The following NIN variants were observed in gnomAD, a reference collection of about 807,000 sequenced individuals.
The protein encoded by NIN is ninein, also known as glycogen synthase kinase 3 beta-interacting protein.
In NIN, 137 loss-of-function variants were observed where a neutral mutation model predicts 257.6. The observed-to-expected ratio is 0.53, with a 90% confidence interval of 0.46 to 0.61. The LOEUF (loss-of-function observed/expected upper bound fraction) is 0.61. Ranked by LOEUF, NIN falls within the 20% of genes least tolerant of loss-of-function variation. The pLI is 0.00. For synonymous variants in NIN, 918 were observed against 919.8 expected, an observed-to-expected ratio of 1.00 and a Z score of 0.04; for missense variants, 2,439 against 2,501.2, an observed-to-expected ratio of 0.98 and a Z score of 0.53.
chr14:50,736,792 A>AAAAC lies in NIN; in HGVS notation c.5776-1179_5776-1176dup, dbSNP rs1216929481. On this transcript the variant is annotated intron_variant, in intron 27 of 30. Transcript: ENST00000530997. ...CAAATGGTCATGATAACTTTCACAA[A>AAAAC]AAACAAAAATTTTATGAATATTTTA... Among the ~76,000 whole-genome samples, 3 of 152,378 alleles carry AAAAC rather than the reference A, an allele frequency of 2.0e-5. No homozygotes were observed. In the South Asian group the frequency reaches 6.2e-4, roughly 32 times the overall value.
intron 8 of NIN, among the ~76,000 whole-genome samples, 199 bp from the exon 9 acceptor site, chr14:50,772,667 G>A (rs1465783078): frequency 6.6e-6 from 1 of 152,192 alleles, no homozygotes; most frequent in South Asian, 2.1e-4. Flanking sequence ...TGTTTTGGTA[G>A]AGAGTTCTAT....
At chr14:50,735,925 A>G (rs904070889) in intron 27 of NIN, among the ~76,000 whole-genome samples, 1 of 152,234 alleles carries the variant, frequency 6.6e-6, no homozygotes. Flanking sequence ...TGTACAGTAC[A>G]TATCACTGAA....
intron 30 of NIN, among the ~76,000 whole-genome samples, chr14:50,724,639 CCTA>C: frequency 6.6e-6 from 1 of 152,282 alleles, no homozygotes; most frequent in Middle Eastern, 3.4e-3. Context: ...GCACTGGAGG[CCTA>C]CTGTCCTGTT....
Position 50,723,479 on chromosome 14 carries a change from G to T in NIN, c.6386C>A (p.Pro2129His). 6.2e-7 allele frequency: 1 copy of T among 1,612,446 alleles called. No homozygotes were observed. The highest frequency in any genetic ancestry group is 8.5e-7 in the Non-Finnish European group (1 of 1,179,678). The change falls in exon 31 of 31, where the codon CCT (proline) becomes CAT (histidine). Residue 2129 changes from proline to histidine, a missense_variant. By Grantham distance (77) the Pro-to-His change is moderately conservative (BLOSUM62 -2). Coordinates refer to ENST00000530997, the MANE Select transcript of NIN (RefSeq NM_020921.4). Reference protein sequence around the residue: ...NLTPAPLTSTPPLRS With the variant: ...NLTPAPLTSTHPLRS ...TTGGTTTGGCTATGACCTCAAAGGAGGTGTAGAAGTCAATGGCGCTGGTGT... is the reference window on the plus strand; with the variant it reads ...TTGGTTTGGCTATGACCTCAAAGGATGTGTAGAAGTCAATGGCGCTGGTGT...
intron 30 of NIN, 76 bp downstream of exon 30, chr14:50,725,877 G>A: frequency 6.2e-7 from 1 of 1,611,066 alleles, no homozygotes; most frequent in Non-Finnish European, 8.5e-7. Flanking sequence ...ACGAGTTAAT[G>A]GCAATAAAGG....
chr14:50,741,842 C>T, intron 24 of NIN, 114 bp from the exon 25 acceptor site: 3 of 1,196,684 alleles, frequency 2.5e-6, no homozygotes, highest in South Asian at 1.6e-5. Context: ...TTTCTCTTTA[C>T]TAAATCCAGC....
chr14:50,729,187 C>A (rs1376175924), intron 29 of NIN, among the ~76,000 whole-genome samples: 1 of 152,038 alleles, frequency 6.6e-6, no homozygotes. Flanking sequence ...AAAAGTAGCA[C>A]CGCAGTTCTA....
In NIN at chr14:50,824,555, T is replaced by C. The variant is rs142110878; in HGVS notation, c.-21-2478A>G. Among the ~76,000 whole-genome samples the C allele has an allele frequency of 1.9e-3, 295 of 152,338 alleles. No individual in the cohort carries two copies. The South Asian group carries it at 0.025, about 13-fold the overall frequency. On this transcript the variant is annotated intron_variant, in intron 2 of 30. Coordinates refer to ENST00000530997, the MANE Select transcript of NIN (RefSeq NM_020921.4). Reference sequence around the variant, plus strand: ...TTACTGGTTGATATTATTTCCCAAATGTTCATCAGTAATTTCATGTGCAAG... The same window carrying C: ...TTACTGGTTGATATTATTTCCCAAACGTTCATCAGTAATTTCATGTGCAAG...
chr14:50,751,046 T>C (rs1230707941), intron 21 of NIN, among the ~76,000 whole-genome samples: 1 of 152,246 alleles, frequency 6.6e-6, no homozygotes, highest in Non-Finnish European at 1.5e-5. Context: ...CTTTTTTCAC[T>C]TAACAGTATG....
At chr14:50,780,952 T>A (rs1318999144) in intron 5 of NIN, among the ~76,000 whole-genome samples, 1 of 152,158 alleles carries the variant, frequency 6.6e-6, no homozygotes, top group Non-Finnish European at 1.5e-5. Flanking sequence ...GGGGAGCAAG[T>A]GGTAAAGTCA....
intron 3 of NIN, 96 bp from the exon 4 acceptor site, chr14:50,806,914 A>G: frequency 1.7e-6 from 1 of 590,896 alleles, no homozygotes; most frequent in South Asian, 2.3e-5. Flanking sequence ...TCCCATCCTG[A>G]CAGCCTTGAA....
chr14:50,777,188 A>C, intron 6 of NIN, 49 bp from the exon 7 acceptor site: 1 of 1,412,870 alleles, frequency 7.1e-7, no homozygotes, highest in South Asian at 1.4e-5. Context: ...TTGCAAAGAG[A>C]GAGTGCCTAT....
At chr14:50,747,082 T>G (rs111565566) in intron 22 of NIN, among the ~76,000 whole-genome samples, 2,191 of 152,294 alleles carry the variant, frequency 0.014, 58 homozygotes, top group African/African-American at 0.05. Context: ...CTCATATTCC[T>G]GGCCTCAAGT....
chr14:50,765,045 T>G (rs2042418932), intron 14 of NIN, among the ~76,000 whole-genome samples: 1 of 126,870 alleles, frequency 7.9e-6, no homozygotes, highest in Non-Finnish European at 1.6e-5. Flanking sequence ...GCCAACATGG[T>G]GAAACCCTGT....
At chr14:50,808,972 G>A (rs1232972211) in intron 3 of NIN, among the ~76,000 whole-genome samples, 1 of 152,162 alleles carries the variant, frequency 6.6e-6, no homozygotes, top group Non-Finnish European at 1.5e-5. Context: ...TGTAATCCCA[G>A]CATTTTGGGA....
intron 2 of NIN, among the ~76,000 whole-genome samples, chr14:50,823,946 C>T (rs2045348499): frequency 6.6e-6 from 1 of 152,198 alleles, no homozygotes; most frequent in African/African-American, 2.4e-5. Flanking sequence ...CAACACTTCG[C>T]TAACAAGATT....
chr14:50,744,801 G>A (rs554766682), intron 22 of NIN, among the ~76,000 whole-genome samples: 6 of 152,118 alleles, frequency 3.9e-5, no homozygotes, highest in East Asian at 1.9e-4. Flanking sequence ...AGGCGTGGTG[G>A]TGCATGCCTG....
Position 50,770,513 on chromosome 14 carries a change from G to C in NIN, c.1309C>G (p.Leu437Val). The C allele has an allele frequency of 1.2e-6, 2 of 1,614,166 alleles. No individual in the cohort carries two copies. The highest frequency in any genetic ancestry group is 8.5e-7 in the Non-Finnish European group (1 of 1,180,024). ...KERIAALKNE[L>V]RKEREQILQQ... ...AGGATCTGCTCTCTCTCTTTTCGGAGTTCATTTTTTAAGGCTGCTATTCGC... is the reference window on the plus strand; with the variant it reads ...AGGATCTGCTCTCTCTCTTTTCGGACTTCATTTTTTAAGGCTGCTATTCGC... Residue 437 changes from leucine to valine, a missense_variant, in exon 12 of 31, where the codon CTC becomes GTC. Physicochemically the swap from Leu to Val is conservative, Grantham distance 32. Transcript: ENST00000530997.
Position 50,757,299 on chromosome 14 carries a change from G to A in NIN, c.3731C>T (p.Ala1244Val), listed in dbSNP as rs1258902721. The change falls in exon 18 of 31, where the codon GCT becomes GTT. Residue 1244 changes from alanine to valine, a missense_variant. Ala to Val is a moderately conservative substitution (Grantham distance 64). This residue lies in a region of NIN where 2,043 missense variants were observed against 2,050.2 expected (regional missense o/e 1.00). Coordinates refer to ENST00000530997, the MANE Select transcript of NIN (RefSeq NM_020921.4). The part of the protein sequence containing the change: ...KLKMLERIPE[A>V]SPKYKLLYED... ...ATACAACAGCTTATATTTGGGAGAA[G>A]CCTCAGGGATTCTCTCAAGCATCTT... 2 of 1,614,104 alleles carry A rather than the reference G, an allele frequency of 1.2e-6. No homozygotes were observed. Among genetic ancestry groups the A allele is most frequent in the Non-Finnish European group, 1.7e-6 (2 of 1,180,024 alleles).
Sources: gnomAD v4.1 joint callset for allele counts (sites outside exome capture counted in the v4.1 genomes callset) on GRCh38, gnomAD v4.1.1 for gene constraint, gnomAD v4.1.1 regional missense constraint, MANE v1.5 for transcripts, NCBI Gene and HGNC (gene_info 2026-07-23, HGNC 2026-07-21) for gene names.